MAGI2: variants seen among roughly 807,000 people sequenced by gnomAD.
MAGI2 encodes the protein membrane-associated guanylate kinase, WW and PDZ domain-containing protein 2.
In MAGI2, 35 loss-of-function variants were observed where a neutral mutation model predicts 133.3. That is an observed-to-expected ratio of 0.26 (90% CI 0.20 to 0.35). The LOEUF is 0.35. Ranked by LOEUF, MAGI2 falls within the 10% of genes least tolerant of loss-of-function variation. The pLI, the probability that MAGI2 is intolerant of heterozygous loss-of-function variation, is 1.00. For synonymous variants in MAGI2, 729 were observed against 710.6 expected, an observed-to-expected ratio of 1.03 and a Z score of -0.41; for missense variants, 1,636 against 1,863.4, an observed-to-expected ratio of 0.88 and a Z score of 2.25.
intron 16 of MAGI2, among the ~76,000 whole-genome samples, chr7:78,144,894 C>A (rs931877394): frequency 6.6e-6 from 1 of 152,068 alleles, no homozygotes; most frequent in East Asian, 1.9e-4. Context: ...CCCCCTGCCC[C>A]CCATGTGCTC....
chr7:79,103,724 G>T (rs1306323934), intron 1 of MAGI2, among the ~76,000 whole-genome samples: 5 of 151,602 alleles, frequency 3.3e-5, no homozygotes, highest in African/African-American at 4.8e-5. Context: ...TTTTGAGACA[G>T]AGTCTCAGTC....
chr7:78,725,784 G>A (rs1318100304), intron 2 of MAGI2, among the ~76,000 whole-genome samples: 1 of 152,142 alleles, frequency 6.6e-6, no homozygotes, highest in Non-Finnish European at 1.5e-5. Context: ...GGGCGTCAGA[G>A]GGAAACTCGG....
chr7:79,442,790 G>A (rs888615633), intron 1 of MAGI2, among the ~76,000 whole-genome samples: 15 of 151,972 alleles, frequency 9.9e-5, no homozygotes, highest in African/African-American at 3.6e-4. Context: ...TTGCTAGAAT[G>A]GTAAGATTAC....
chr7:78,748,802 TA>T (rs1823177365), intron 2 of MAGI2, among the ~76,000 whole-genome samples: 2 of 152,206 alleles, frequency 1.3e-5, no homozygotes, highest in Non-Finnish European at 2.9e-5. Flanking sequence ...GTTTAAGACA[TA>T]ATTGGATTTT....
chr7:78,772,468 G>A (rs1351706918), intron 2 of MAGI2, among the ~76,000 whole-genome samples: 6 of 152,188 alleles, frequency 3.9e-5, no homozygotes, highest in Non-Finnish European at 7.3e-5. Flanking sequence ...TAGAGGAAGA[G>A]CTGACATAGA....
chr7:79,272,091 C>T (rs533590662), intron 1 of MAGI2, among the ~76,000 whole-genome samples: 1 of 152,028 alleles, frequency 6.6e-6, no homozygotes, highest in African/African-American at 2.4e-5. Flanking sequence ...TTAAAGTTAG[C>T]AAATACTTAC....
chr7:78,219,036 TGGCTGCTCTGGCTGACTG>T (rs1387512565), intron 10 of MAGI2, among the ~76,000 whole-genome samples: 27 of 152,330 alleles, frequency 1.8e-4, no homozygotes, highest in African/African-American at 6.0e-4. Context: ...GTGTCTCTAA[TGGCTGCTCTGGCTGACTG>T]GGCTGCTCTG....
intron 1 of MAGI2, among the ~76,000 whole-genome samples, chr7:79,245,258 A>G (rs1392369090): frequency 6.6e-6 from 1 of 152,196 alleles, no homozygotes; most frequent in Admixed American, 6.5e-5. Flanking sequence ...AAGGAAGAGT[A>G]AAGGGGACTT....
chr7:78,750,242 T>C (rs559027334), intron 2 of MAGI2, among the ~76,000 whole-genome samples: 2 of 152,300 alleles, frequency 1.3e-5, no homozygotes, highest in South Asian at 4.1e-4. Context: ...TAGTATTCCA[T>C]GGTGTATATG....
chr7:79,386,670 C>G (rs1418549759), intron 1 of MAGI2, among the ~76,000 whole-genome samples: 1 of 152,020 alleles, frequency 6.6e-6, no homozygotes, highest in Non-Finnish European at 1.5e-5. Flanking sequence ...TGGAATAACA[C>G]CGAGGACAAT....
In MAGI2 at chr7:78,512,266, G is replaced by C. The variant is rs150092561; in HGVS notation, c.754+9164C>G. Among the ~76,000 whole-genome samples the C allele has an allele frequency of 2.7e-3, 406 of 152,228 alleles. 2 individuals are homozygous for C. The highest frequency in any genetic ancestry group is 9.3e-3 in the African/African-American group (386 of 41,532). On this transcript the variant is annotated intron_variant, in intron 4 of 21. Transcript: ENST00000354212. ...TATTATTTGAGGCCAGGGAGAAAAC[G>C]TAAGTCTAGAAGGAGATATTAGAAT...
intron 1 of MAGI2, among the ~76,000 whole-genome samples, chr7:79,247,545 C>T (rs1410788301): frequency 6.6e-6 from 1 of 152,018 alleles, no homozygotes; most frequent in African/African-American, 2.4e-5. Flanking sequence ...CCTAAGAGAT[C>T]GAGGCTATAG....
chr7:78,162,595 A>G (rs1292715657), intron 15 of MAGI2, among the ~76,000 whole-genome samples: 1 of 151,940 alleles, frequency 6.6e-6, no homozygotes, highest in East Asian at 1.9e-4. Context: ...TGGGAGTGGC[A>G]ATGTTACAGG....
At chr7:78,846,793 T>A (rs967894358) in intron 2 of MAGI2, among the ~76,000 whole-genome samples, 7 of 151,984 alleles carry the variant, frequency 4.6e-5, no homozygotes, top group African/African-American at 1.4e-4. Flanking sequence ...AATATTTATA[T>A]CAGTAATAGT....
At chr7:79,302,235 G>A (rs1370820026) in intron 1 of MAGI2, among the ~76,000 whole-genome samples, 1 of 152,156 alleles carries the variant, frequency 6.6e-6, no homozygotes, top group Non-Finnish European at 1.5e-5. Context: ...AGGTAAGAAA[G>A]TTGGAAGACA....
chr7:79,120,808 A>G (rs1819828615), intron 1 of MAGI2, among the ~76,000 whole-genome samples: 4 of 152,062 alleles, frequency 2.6e-5, no homozygotes, highest in Admixed American at 2.6e-4. Context: ...GGGGGACTCC[A>G]ATGATGCCGC....
At chr7:78,296,352 C>G (rs1005701127) in intron 9 of MAGI2, among the ~76,000 whole-genome samples, 1 of 152,180 alleles carries the variant, frequency 6.6e-6, no homozygotes, top group Non-Finnish European at 1.5e-5. Context: ...ATCCTTAGGC[C>G]TCTGGAGTTT....
At chr7:79,012,645 C>T (rs1808279926) in intron 1 of MAGI2, among the ~76,000 whole-genome samples, 1 of 152,094 alleles carries the variant, frequency 6.6e-6, no homozygotes, top group Non-Finnish European at 1.5e-5. Flanking sequence ...ACTAGGTTTT[C>T]AGTCAGGTAA....
chr7:78,325,983 C>G (rs1440878162), intron 9 of MAGI2, among the ~76,000 whole-genome samples: 1 of 152,188 alleles, frequency 6.6e-6, no homozygotes, highest in Non-Finnish European at 1.5e-5. Flanking sequence ...TCCTCTTAAG[C>G]AGACTTTATA....
Sources: gnomAD v4.1 joint callset for allele counts (sites outside exome capture counted in the v4.1 genomes callset) on GRCh38, gnomAD v4.1.1 for gene constraint, MANE v1.5 for transcripts, NCBI Gene and HGNC (gene_info 2026-07-23, HGNC 2026-07-21) for gene names.